KAZN: variants seen among roughly 807,000 people sequenced by gnomAD.
The protein encoded by KAZN is kazrin.
Under a neutral mutation model 87.4 loss-of-function variants are expected in KAZN, and 40 were observed. That is an observed-to-expected ratio of 0.46 (90% CI 0.36 to 0.60). The LOEUF (loss-of-function observed/expected upper bound fraction) is 0.60. Ranked by LOEUF, KAZN falls within the 20% of genes least tolerant of loss-of-function variation. The pLI is 0.00. For missense variants in KAZN, 898 were observed against 1,073.9 expected (o/e 0.84, Z 2.29); for synonymous variants, 466 against 458.3 (o/e 1.02, Z -0.22).
intron 2 of KAZN, among the ~76,000 whole-genome samples, chr1:14,197,404 A>G (rs924895301): frequency 2.0e-5 from 3 of 151,564 alleles, no homozygotes; most frequent in Non-Finnish European, 4.4e-5. Flanking sequence ...AAAAAAAAAA[A>G]AAGGCCAGTC....
At chr1:14,365,177 G>A (rs1659868829) in intron 2 of KAZN, among the ~76,000 whole-genome samples, 1 of 151,916 alleles carries the variant, frequency 6.6e-6, no homozygotes, top group African/African-American at 2.4e-5. Flanking sequence ...CCGAGTAGCT[G>A]GTACTACAAG....
chr1:14,614,057 C>A (rs1035001857), intron 1 of KAZN, among the ~76,000 whole-genome samples: 4 of 152,176 alleles, frequency 2.6e-5, no homozygotes, highest in African/African-American at 9.7e-5. Flanking sequence ...TGGCCCCATG[C>A]TAGATTTCCG....
intron 8 of KAZN, among the ~76,000 whole-genome samples, chr1:15,078,339 A>T (rs1326233233): frequency 6.6e-6 from 1 of 152,096 alleles, no homozygotes; most frequent in African/African-American, 2.4e-5. Context: ...TAGGAAGCGG[A>T]TGTTGCAGTG....
chr1:14,567,120 T>A (rs1442704708), intron 2 of KAZN, among the ~76,000 whole-genome samples: 1 of 152,236 alleles, frequency 6.6e-6, no homozygotes, highest in Non-Finnish European at 1.5e-5. Context: ...TCTAGTTTTT[T>A]ATTTAAAGTG....
At chr1:14,172,341 G>A (rs1645971109) in intron 1 of KAZN, among the ~76,000 whole-genome samples, 1 of 152,214 alleles carries the variant, frequency 6.6e-6, no homozygotes, top group South Asian at 2.1e-4. Context: ...AGAGGGAGGG[G>A]ATGAAGTGGA....
At chr1:14,475,950 G>A (rs1268812985) in intron 2 of KAZN, among the ~76,000 whole-genome samples, 1 of 152,200 alleles carries the variant, frequency 6.6e-6, no homozygotes, top group Non-Finnish European at 1.5e-5. Flanking sequence ...GATTGAAGGG[G>A]AAAGAAGAGA....
At chr1:14,709,851 C>T (rs772074407) in intron 1 of KAZN, among the ~76,000 whole-genome samples, 3 of 152,176 alleles carry the variant, frequency 2.0e-5, no homozygotes, top group Non-Finnish European at 4.4e-5. Context: ...TAACTGAGAT[C>T]AGGTTTTCTG....
chr1:15,073,145 G>A (rs893910302), intron 8 of KAZN, among the ~76,000 whole-genome samples: 3 of 152,194 alleles, frequency 2.0e-5, no homozygotes, highest in Non-Finnish European at 2.9e-5. Context: ...ACGAGTCCAC[G>A]TGAAAGGTCC....
chr1:15,062,516 G>C (rs919344073), intron 6 of KAZN: 1 of 152,574 alleles, frequency 6.6e-6, no homozygotes, highest in Admixed American at 6.5e-5. Flanking sequence ...GGCATCTGAC[G>C]TCCACCAGCA....
intron 1 of KAZN, among the ~76,000 whole-genome samples, chr1:14,708,815 T>C (rs1446146045): frequency 6.6e-6 from 1 of 152,230 alleles, no homozygotes; most frequent in African/African-American, 2.4e-5. Context: ...CCTGCAGTGT[T>C]GGGTTATATG....
At chr1:15,053,461 G>A (rs751058758) in intron 4 of KAZN, among the ~76,000 whole-genome samples, 5 of 152,196 alleles carry the variant, frequency 3.3e-5, no homozygotes, top group African/African-American at 7.2e-5. Flanking sequence ...GTGAAGCAGC[G>A]ACCTGCTTCC....
At chr1:15,112,910 G>T in intron 14 of KAZN, 1 of 205,032 alleles carries the variant, frequency 4.9e-6, no homozygotes. Flanking sequence ...GCTGCCCAGA[G>T]GGTTCCGGCG....
At position 15,007,714 on chromosome 1, in the gene KAZN, C is replaced by G. The variant is rs534096128; in HGVS notation, c.419-27035C>G. Among the ~76,000 whole-genome samples, 25 of 152,312 alleles carry G rather than the reference C, an allele frequency of 1.6e-4. No homozygotes were observed. In the South Asian group the frequency reaches 2.9e-3, roughly 18 times the overall value. On this transcript the variant is annotated intron_variant, in intron 2 of 14. Coordinates refer to ENST00000376030, the MANE Select transcript of KAZN (RefSeq NM_201628.3). ...CTCCATAACAGATGATTAGCAGGCC[C>G]GGCAAAGTGGGTATCTCCACAGCGG...
intron 1 of KAZN, among the ~76,000 whole-genome samples, chr1:13,938,113 C>G (rs1047014550): frequency 6.6e-6 from 1 of 152,072 alleles, no homozygotes; most frequent in Non-Finnish European, 1.5e-5. Context: ...CTGTAGATTG[C>G]TTTGGGCAGT....
intron 2 of KAZN, among the ~76,000 whole-genome samples, chr1:14,537,427 CTTTAAA>C (rs1173084834): frequency 2.0e-5 from 3 of 152,206 alleles, no homozygotes; most frequent in Admixed American, 2.0e-4. Flanking sequence ...ATTTTTACAA[CTTTAAA>C]TTTAAATGCA....
chr1:14,779,271 T>C (rs1473681), intron 1 of KAZN, among the ~76,000 whole-genome samples: 3,461 of 152,290 alleles, frequency 0.023, 83 homozygotes, highest in African/African-American at 0.064. Context: ...CCAGATTAGT[T>C]TGGCAAACTA....
At chr1:14,035,273 G>A (rs1176198277) in intron 1 of KAZN, among the ~76,000 whole-genome samples, 3 of 152,078 alleles carry the variant, frequency 2.0e-5, no homozygotes, top group Non-Finnish European at 4.4e-5. Flanking sequence ...GATACCAGTT[G>A]AGGATGTACG....
At chr1:14,015,576 G>A (rs1217284073) in intron 1 of KAZN, among the ~76,000 whole-genome samples, 1 of 132,072 alleles carries the variant, frequency 7.6e-6, no homozygotes, top group African/African-American at 2.8e-5. Context: ...CGCCTCCCGG[G>A]TTCAAGCAAT....
intron 2 of KAZN, among the ~76,000 whole-genome samples, chr1:14,591,121 T>C (rs1312815719): frequency 1.3e-5 from 2 of 152,030 alleles, no homozygotes; most frequent in Non-Finnish European, 2.9e-5. Flanking sequence ...TTTAGCTTTG[T>C]TGGGGGGACC....
Sources: gnomAD v4.1 joint callset for allele counts (sites outside exome capture counted in the v4.1 genomes callset) on GRCh38, gnomAD v4.1.1 for gene constraint, MANE v1.5 for transcripts, NCBI Gene and HGNC (gene_info 2026-07-23, HGNC 2026-07-21) for gene names.